Variants in RGS3 observed in about 807,000 individuals in gnomAD.
RGS3 encodes regulator of G protein signaling 3.
In RGS3, 80 loss-of-function variants were observed where a neutral mutation model predicts 132.6. The ratio of observed to expected loss-of-function variants is 0.60; its 90% confidence interval spans 0.50 to 0.73. RGS3 has a LOEUF of 0.73. Among genes scored for constraint, RGS3 ranks in the 30% least tolerant of loss-of-function variants. The probability of loss-of-function intolerance (pLI) is 0.00; values close to 1 mark genes in which losing one functional copy is unlikely to be tolerated. For missense variants in RGS3, 1,382 were observed against 1,530.8 expected, an observed-to-expected ratio of 0.90 and a Z score of 1.62; for synonymous variants, 598 against 620.6, an observed-to-expected ratio of 0.96 and a Z score of 0.54.
chr9:113,521,287 C>T (rs575072089), intron 16 of RGS3, among the ~76,000 whole-genome samples: 1 of 152,260 alleles, frequency 6.6e-6, no homozygotes, highest in East Asian at 1.9e-4. Context: ...TTTCCTCAAG[C>T]CTCTGTATTT....
intron 19 of RGS3, among the ~76,000 whole-genome samples, chr9:113,553,459 A>AAAAT (rs1426114805): frequency 4.3e-4 from 25 of 58,694 alleles, no homozygotes; most frequent in East Asian, 1.3e-3. Flanking sequence ...AAAAAAAAAA[A>AAAAT]ATATATATAT....
intron 19 of RGS3, among the ~76,000 whole-genome samples, chr9:113,538,565 T>A (rs1832777745): frequency 6.6e-6 from 1 of 152,134 alleles, no homozygotes; most frequent in African/African-American, 2.4e-5. Context: ...ATCTTCAGGT[T>A]TGGGAGGCCA....
intron 3 of RGS3, among the ~76,000 whole-genome samples, chr9:113,469,042 AT>A (rs145400431): frequency 0.014 from 1,433 of 102,126 alleles, 15 homozygotes; most frequent in African/African-American, 0.046. Flanking sequence ...TTTGCTCAGC[AT>A]TTTTTTTTTT....
chr9:113,578,112 G>A (rs1035684875), intron 19 of RGS3, among the ~76,000 whole-genome samples: 25 of 152,228 alleles, frequency 1.6e-4, no homozygotes, highest in Non-Finnish European at 4.4e-5. Flanking sequence ...GTGGCCTGGG[G>A]AGTGGGTGGG....
At chr9:113,592,330 A>T (rs1350432056) in intron 21 of RGS3, 1 of 152,216 alleles carries the variant, frequency 6.6e-6, no homozygotes, top group African/African-American at 2.4e-5. Flanking sequence ...CTTTTGTAGG[A>T]TGAGAGAGGA....
chr9:113,529,483 A>G (rs1302478475), intron 18 of RGS3, among the ~76,000 whole-genome samples: 1 of 152,214 alleles, frequency 6.6e-6, no homozygotes, highest in East Asian at 1.9e-4. Context: ...AGCAGTGGAC[A>G]GGAAAGTGCT....
At chr9:113,522,745 C>G in intron 16 of RGS3, 185 bp from the exon 15 acceptor site, 2 of 605,062 alleles carry the variant, frequency 3.3e-6, no homozygotes, top group African/African-American at 1.8e-5. Flanking sequence ...ATGGGGCCAT[C>G]TTGACTGCAG....
chr9:113,536,971 G>A (rs1832707574), intron 19 of RGS3, 53 bp downstream of exon 17: 2 of 1,568,090 alleles, frequency 1.3e-6, no homozygotes, highest in Admixed American at 1.7e-5. Flanking sequence ...CCCTCAGCCA[G>A]CCTAGACCCT....
chr9:113,515,121 C>G (rs541541590), intron 15 of RGS3, among the ~76,000 whole-genome samples: 24 of 152,142 alleles, frequency 1.6e-4, no homozygotes, highest in Non-Finnish European at 3.2e-4. Context: ...TTCACTAGAT[C>G]GCTCTTATTC....
intron 19 of RGS3, among the ~76,000 whole-genome samples, chr9:113,566,025 G>A (rs1031064559): frequency 6.6e-6 from 1 of 152,178 alleles, no homozygotes; most frequent in Middle Eastern, 3.4e-3. Context: ...TTCTTTCTCA[G>A]AGAAACAAGA....
chr9:113,496,812 A>G (rs557442515), intron 8 of RGS3, among the ~76,000 whole-genome samples: 19 of 151,984 alleles, frequency 1.3e-4, no homozygotes, highest in Non-Finnish European at 1.9e-4. Flanking sequence ...CGGCCTCCCA[A>G]AGTGCTGGGA....
At chr9:113,497,430 C>G in intron 9 of RGS3, 26 bp downstream of exon 7, 3 of 1,596,640 alleles carry the variant, frequency 1.9e-6, no homozygotes, top group Non-Finnish European at 2.6e-6. Context: ...CTTCAGCTTC[C>G]CTTCCCAGGA....
At chr9:113,462,133 G>A in exon 3 of RGS3, 2 of 1,614,164 alleles carry the variant, frequency 1.2e-6, no homozygotes, top group Admixed American at 1.7e-5. Context: ...GCTCTGCCCA[G>A]AAGAGATGAG....
exon 20 of RGS3, chr9:113,583,640 G>T (rs764770187): frequency 6.2e-7 from 1 of 1,614,138 alleles, no homozygotes; most frequent in South Asian, 1.1e-5. Context: ...CCACTGTCCA[G>T]CAAAGACTCA....
chr9:113,477,794 C>T (rs528701033), intron 3 of RGS3, among the ~76,000 whole-genome samples: 17 of 152,300 alleles, frequency 1.1e-4, no homozygotes, highest in African/African-American at 4.1e-4. Context: ...GCAAGCTCCC[C>T]ATTGCTACAG....
chr9:113,495,841 G>C (rs774776359), exon 8 of RGS3: 6 of 1,613,898 alleles, frequency 3.7e-6, no homozygotes, highest in Non-Finnish European at 4.2e-6. Flanking sequence ...CCTGACTCCA[G>C]ACAAGGTGGG....
chr9:113,584,287 G>A lies in RGS3; in HGVS notation c.2875G>A (p.Asp959Asn), dbSNP rs200102496. The A allele has an allele frequency of 6.2e-6, 10 of 1,611,072 alleles. No individual in the cohort carries two copies. The East Asian group carries it at 1.8e-4, about 29-fold the overall frequency. ...GCCCCGAGGGCCCTGCTTTGCCTCC[G>A]ACACCACCTTGCACTGCTCAGACGG... Residue 959 changes from aspartate (D) to asparagine (N), a missense_variant, in exon 20 of 25, where the codon GAC becomes AAC. Coordinates refer to ENST00000350696, the Ensembl canonical transcript of RGS3.
At chr9:113,458,910 CCTGA>C (rs1685228056), upstream of RGS3, among the ~76,000 whole-genome samples, 1 of 152,142 alleles carries the variant, frequency 6.6e-6, no homozygotes, top group African/African-American at 2.4e-5. Flanking sequence ...TGCCACCACA[CCTGA>C]CTATCTTTTG....
intron 1 of RGS3, among the ~76,000 whole-genome samples, chr9:113,450,863 C>T (rs1426690695): frequency 6.6e-6 from 1 of 151,962 alleles, no homozygotes; most frequent in Non-Finnish European, 1.5e-5. Context: ...AATGAAGTTT[C>T]AGCAGTGTGG....
Sources: allele counts gnomAD v4.1 joint callset (sites outside exome capture counted in the v4.1 genomes callset), GRCh38; gene constraint gnomAD v4.1.1; transcripts MANE v1.5; gene names NCBI Gene and HGNC (gene_info 2026-07-23, HGNC 2026-07-21).